The following USP25 variants were observed in gnomAD, a reference collection of about 807,000 sequenced individuals.
USP25 encodes ubiquitin specific peptidase 25, also known as ubiquitin carboxyl-terminal hydrolase 25.
In USP25, 85 loss-of-function variants were observed where a neutral mutation model predicts 158.5. The observed-to-expected ratio is 0.54, with a 90% CI of 0.45 to 0.64. The LOEUF is 0.64. Ranked by LOEUF, USP25 falls within the 30% of genes least tolerant of loss-of-function variation. USP25 has a pLI of 0.00. For synonymous variants in USP25, 464 were observed against 460.4 expected (o/e 1.01, Z -0.10); for missense variants, 1,242 against 1,327.3 (o/e 0.94, Z 1.00).
chr21:15,785,037 T>C (rs1334902440), intron 4 of USP25, among the ~76,000 whole-genome samples: 1 of 147,336 alleles, frequency 6.8e-6, no homozygotes, highest in Non-Finnish European at 1.5e-5. Flanking sequence ...AATATAAACA[T>C]AGACTGAAAG....
intron 20 of USP25, among the ~76,000 whole-genome samples, chr21:15,862,407 T>C (rs1347987791): frequency 6.6e-6 from 1 of 152,118 alleles, no homozygotes; most frequent in Non-Finnish European, 1.5e-5. Context: ...TTGGAAACAC[T>C]TCTGGTCCCA....
chr21:15,801,736 A>G (rs1201563034), intron 6 of USP25, among the ~76,000 whole-genome samples: 1 of 151,600 alleles, frequency 6.6e-6, no homozygotes, highest in African/African-American at 2.4e-5. Context: ...TAAGTTGCAG[A>G]ATACATTTGG....
intron 1 of USP25, among the ~76,000 whole-genome samples, chr21:15,755,801 C>CA (rs754922150): frequency 1.1e-4 from 16 of 151,732 alleles, no homozygotes; most frequent in Non-Finnish European, 2.1e-4. Context: ...GTGGGAGCTA[C>CA]AAAAAAAATA....
chr21:15,822,615 A>G (rs1179488437), intron 10 of USP25, among the ~76,000 whole-genome samples: 1 of 152,004 alleles, frequency 6.6e-6, no homozygotes, highest in Non-Finnish European at 1.5e-5. Context: ...TTTGAGTATC[A>G]TAAAATGGAG....
intron 20 of USP25, among the ~76,000 whole-genome samples, chr21:15,852,694 C>A (rs1406296385): frequency 6.6e-6 from 1 of 152,084 alleles, no homozygotes; most frequent in Non-Finnish European, 1.5e-5. Context: ...ATTGTCAGTA[C>A]CATTTTGGAG....
intron 17 of USP25, among the ~76,000 whole-genome samples, chr21:15,839,213 A>G (rs1309030820): frequency 6.6e-6 from 1 of 152,136 alleles, no homozygotes; most frequent in Non-Finnish European, 1.5e-5. Context: ...TACCGTGACT[A>G]CAACACCACT....
intron 7 of USP25, among the ~76,000 whole-genome samples, chr21:15,806,031 A>T (rs73892541): frequency 0.013 from 2,032 of 152,280 alleles, 38 homozygotes; most frequent in African/African-American, 0.046. Context: ...TCTGCTTTAC[A>T]TTTACCTTGT....
At chr21:15,824,801 A>G (rs1426194944) in intron 11 of USP25, among the ~76,000 whole-genome samples, 165 bp from the exon 12 acceptor site, 1 of 152,178 alleles carries the variant, frequency 6.6e-6, no homozygotes. Context: ...ATTTTAGTAG[A>G]GACGAGATTT....
intron 18 of USP25, among the ~76,000 whole-genome samples, chr21:15,844,262 G>A (rs536598238): frequency 2.0e-5 from 3 of 152,112 alleles, no homozygotes; most frequent in East Asian, 3.9e-4. Context: ...TAAACTTAGC[G>A]TACACTAGAA....
intron 15 of USP25, 100 bp downstream of exon 15, chr21:15,830,701 G>A: frequency 9.7e-7 from 1 of 1,030,446 alleles, no homozygotes; most frequent in Non-Finnish European, 1.3e-6. Flanking sequence ...TACATGTTTT[G>A]TTTTAAAATT....
intron 24 of USP25, among the ~76,000 whole-genome samples, chr21:15,874,873 A>G (rs936806112): frequency 3.3e-5 from 5 of 152,242 alleles, no homozygotes; most frequent in African/African-American, 9.6e-5. Flanking sequence ...ATGTAAGTCT[A>G]TAAGAATATG....
intron 1 of USP25, among the ~76,000 whole-genome samples, chr21:15,737,492 A>G (rs1294315835): frequency 2.6e-5 from 4 of 152,094 alleles, no homozygotes; most frequent in Admixed American, 6.5e-5. Flanking sequence ...CCCTTATCCT[A>G]TCCCTTTACT....
intron 2 of USP25, among the ~76,000 whole-genome samples, chr21:15,763,893 C>T (rs2033883015): frequency 6.6e-6 from 1 of 152,104 alleles, no homozygotes; most frequent in Non-Finnish European, 1.5e-5. Flanking sequence ...GTTTCATCCC[C>T]TTTATGAAAA....
At chr21:15,854,719 C>T (rs1163293629) in intron 20 of USP25, among the ~76,000 whole-genome samples, 1 of 152,052 alleles carries the variant, frequency 6.6e-6, no homozygotes, top group African/African-American at 2.4e-5. Context: ...GTTTAACCTC[C>T]GAATTAGGAA....
At chr21:15,800,612 T>C (rs536387107) in intron 6 of USP25, among the ~76,000 whole-genome samples, 22 of 151,420 alleles carry the variant, frequency 1.5e-4, no homozygotes, top group Non-Finnish European at 1.5e-5. Context: ...AAATTACTTA[T>C]GGAGATGATA....
rs1458976662 is a variant in USP25, at chr21:15,864,290, G to C, written c.2570G>C (p.Arg857Thr). The C allele has an allele frequency of 6.2e-7, 1 of 1,606,662 alleles. No individual in the cohort carries two copies. The highest frequency in any genetic ancestry group is 8.5e-7 in the Non-Finnish European group (1 of 1,178,146). Residue 857 changes from arginine (R) to threonine (T), a missense_variant, in exon 21 of 26, where the codon AGG becomes ACG. Physicochemically the swap from Arg to Thr is moderately conservative, Grantham distance 71. This residue lies in a region of USP25 where 608 missense variants were observed against 605.2 expected (regional missense o/e 1.00). Transcript: ENST00000400183. ...FFKAIKLEYARLVKLAQEDTP... is the reference protein window; with the variant it reads ...FFKAIKLEYATLVKLAQEDTP... ...CAGGCAATTAAGTTGGAATATGCAAGGTTGGTTAAGTTGGCCCAAGAAGAC... is the reference window on the plus strand; with the variant it reads ...CAGGCAATTAAGTTGGAATATGCAACGTTGGTTAAGTTGGCCCAAGAAGAC...
intron 21 of USP25, 121 bp from the exon 22 acceptor site, chr21:15,866,145 T>A (rs2039645747): frequency 2.2e-6 from 1 of 462,252 alleles, no homozygotes; most frequent in Non-Finnish European, 3.5e-6. Context: ...GAGTTGTTTC[T>A]ATACAAAAGT....
chr21:15,768,176 C>T (rs2034151188), intron 3 of USP25, among the ~76,000 whole-genome samples: 2 of 152,062 alleles, frequency 1.3e-5, no homozygotes, highest in African/African-American at 4.8e-5. Context: ...GAGTAAATTG[C>T]TTGCTGTTGT....
intron 19 of USP25, 80 bp from the exon 20 acceptor site, chr21:15,849,697 C>A: frequency 9.0e-7 from 1 of 1,105,246 alleles, no homozygotes; most frequent in Non-Finnish European, 1.3e-6. Context: ...ATATGGAAAA[C>A]AAAAGAGTTT....
Sources: gnomAD v4.1 joint callset for allele counts (sites outside exome capture counted in the v4.1 genomes callset) on GRCh38, gnomAD v4.1.1 for gene constraint, gnomAD v4.1.1 regional missense constraint, MANE v1.5 for transcripts, NCBI Gene and HGNC (gene_info 2026-07-23, HGNC 2026-07-21) for gene names.